The following KCNS3 variants were observed in gnomAD, a reference collection of about 807,000 sequenced individuals.
The protein encoded by KCNS3 is potassium voltage-gated channel modifier subfamily S member 3.
KCNS3 carries 13 observed loss-of-function variants against 31.0 expected under a neutral mutation model. The ratio of observed to expected loss-of-function variants is 0.42; its 90% CI spans 0.27 to 0.67. The LOEUF (loss-of-function observed/expected upper bound fraction) is 0.67, where lower values mean the gene tolerates loss of function less well. Ranked by LOEUF, KCNS3 falls within the 30% of genes least tolerant of loss-of-function variation. The pLI is 0.25. For synonymous variants in KCNS3, 238 were observed against 241.5 expected (o/e 0.99, Z 0.13); for missense variants, 545 against 622.4 (o/e 0.88, Z 1.32).
At chr2:17,914,008 A>T (rs536666131) in intron 1 of KCNS3, among the ~76,000 whole-genome samples, 1 of 152,226 alleles carries the variant, frequency 6.6e-6, no homozygotes, top group South Asian at 2.1e-4. Flanking sequence ...TCTCCAGATA[A>T]GCTAGCTGCT....
intron 1 of KCNS3, among the ~76,000 whole-genome samples, chr2:17,906,458 C>T (rs1027003128): frequency 6.6e-5 from 10 of 152,152 alleles, no homozygotes; most frequent in Admixed American, 3.3e-4. Context: ...GTCTCTATCT[C>T]CTTCAGTTCT....
In KCNS3 at chr2:17,880,174, A is replaced by G. The variant is rs138859246; in HGVS notation, c.-252+1368A>G. Among the ~76,000 whole-genome samples, 702 of 152,328 alleles carry G rather than the reference A, an allele frequency of 4.6e-3. 3 individuals carry two copies. The highest frequency in any genetic ancestry group is 0.014 in the Middle Eastern group (4 of 294). ...ACGCACCTATCTCTTAGCTGAAGGC[A>G]TATGCCCTCGTGCTTTGTCTTCCCT... is the stretch of plus-strand genomic sequence containing the variant. On this transcript the variant is annotated intron_variant, in intron 1 of 2. Transcript: ENST00000304101.
At chr2:17,924,072 A>G (rs1259564672) in intron 2 of KCNS3, among the ~76,000 whole-genome samples, 2 of 151,880 alleles carry the variant, frequency 1.3e-5, no homozygotes, top group African/African-American at 4.8e-5. Flanking sequence ...TTACAGGTTT[A>G]TGCCACTTTT....
At chr2:17,881,305 G>A (rs191144325) in intron 1 of KCNS3, among the ~76,000 whole-genome samples, 1 of 152,340 alleles carries the variant, frequency 6.6e-6, no homozygotes, top group Admixed American at 6.5e-5. Flanking sequence ...TCAGGAAAGT[G>A]CATCTTCCAG....
intron 1 of KCNS3, among the ~76,000 whole-genome samples, chr2:17,893,250 C>T (rs562142600): frequency 1.1e-4 from 17 of 152,238 alleles, no homozygotes; most frequent in African/African-American, 3.1e-4. Flanking sequence ...ACTGAAGGGC[C>T]GGTCCCACTC....
At chr2:17,878,308 G>C (rs1243684254), upstream of KCNS3, among the ~76,000 whole-genome samples, 1 of 152,066 alleles carries the variant, frequency 6.6e-6, no homozygotes, top group East Asian at 1.9e-4. Flanking sequence ...GCAGGGCCAC[G>C]GCGCTTCCGG....
chr2:17,917,495 C>T (rs1323656301), intron 1 of KCNS3, among the ~76,000 whole-genome samples, 185 bp from the exon 2 acceptor site: 1 of 152,122 alleles, frequency 6.6e-6, no homozygotes, highest in African/African-American at 2.4e-5. Flanking sequence ...TTAAACCTAG[C>T]ACATGTCCAA....
intron 1 of KCNS3, among the ~76,000 whole-genome samples, chr2:17,890,919 C>T (rs980221391): frequency 6.6e-6 from 1 of 152,134 alleles, no homozygotes; most frequent in Non-Finnish European, 1.5e-5. Flanking sequence ...ATGAAATGTT[C>T]TGTATATATC....
intron 1 of KCNS3, among the ~76,000 whole-genome samples, chr2:17,891,933 C>T (rs1402144175): frequency 6.6e-6 from 1 of 151,966 alleles, no homozygotes; most frequent in Non-Finnish European, 1.5e-5. Flanking sequence ...ATGAATTTTC[C>T]AGGTGTTCTT....
At chr2:17,893,290 CTG>C (rs1207001538) in intron 1 of KCNS3, among the ~76,000 whole-genome samples, 1 of 152,206 alleles carries the variant, frequency 6.6e-6, no homozygotes, top group Non-Finnish European at 1.5e-5. Context: ...AGCCTGGAGT[CTG>C]TTTCCAGGTG....
chr2:17,906,146 T>C (rs1482567960), intron 1 of KCNS3, among the ~76,000 whole-genome samples: 1 of 152,232 alleles, frequency 6.6e-6, no homozygotes, highest in Non-Finnish European at 1.5e-5. Context: ...GAGCCTGTTA[T>C]TGGTCTATTC....
intron 1 of KCNS3, among the ~76,000 whole-genome samples, chr2:17,905,376 T>A (rs1360936239): frequency 6.6e-6 from 1 of 152,236 alleles, no homozygotes; most frequent in Non-Finnish European, 1.5e-5. Context: ...ATGATGGGGT[T>A]TTCTAAATAT....
At position 17,893,222 on chromosome 2, in the gene KCNS3, C is replaced by T. The variant is rs114366993; in HGVS notation, c.-252+14416C>T. Among the ~76,000 whole-genome samples, 625 of 152,282 alleles carry T rather than the reference C, an allele frequency of 4.1e-3. 6 individuals carry two copies. The highest frequency in any genetic ancestry group is 0.015 in the African/African-American group (612 of 41,560). ...GGGGAAAGCTGGCAGTCACTGGCCT[C>T]ACCCAGTTCCCATGCAAACTGAAGG... On this transcript the variant is annotated intron_variant, in intron 1 of 2. Transcript: ENST00000304101.
At chr2:17,878,587 GGGCCCCGCCCCGTCCCGTCC>G (rs1406173116), upstream of KCNS3, 1 of 148,090 alleles carries the variant, frequency 6.8e-6, no homozygotes, top group South Asian at 2.1e-4. Flanking sequence ...GCCGAGCGGC[GGGCCCCGCCCCGTCCCGTCC>G]GGCCCCGCCC....
At chr2:17,930,099 C>T (rs966343572) in intron 2 of KCNS3, among the ~76,000 whole-genome samples, 2 of 152,098 alleles carry the variant, frequency 1.3e-5, no homozygotes, top group African/African-American at 4.8e-5. Context: ...AAAAACAGGC[C>T]ACGTGCTCAG....
chr2:17,919,648 T>C (rs1564008), intron 2 of KCNS3: 144,999 of 152,356 alleles, frequency 0.95, 69,087 homozygotes, highest in East Asian at 1. Flanking sequence ...ACCCTGCAAA[T>C]TGTATGGACC....
Position 17,931,595 on chromosome 2 carries a change from T to C in KCNS3, c.587T>C (p.Leu196Pro). The change falls in exon 3 of 3, where the codon CTG becomes CCG. Residue 196 changes from leucine to proline, a missense_variant. Leu to Pro is a moderately conservative substitution (Grantham distance 98). Coordinates refer to ENST00000304101, the MANE Select transcript of KCNS3 (RefSeq NM_002252.5). The surrounding 1 kb of genome is among the most constrained non-coding windows in gnomAD (Gnocchi z 5.4). Reference protein sequence around the residue: ...LIAISSLSVVLASIVAMCVHS... With the variant: ...LIAISSLSVVPASIVAMCVHS... ...GCTATCTCCTCCTTGAGCGTGGTGC[T>C]GGCCTCCATCGTGGCCATGTGCGTT... is the stretch of plus-strand genomic sequence containing the variant. 1.2e-6 allele frequency: 2 copies of C among 1,614,198 alleles called. No individual in the cohort carries two copies. Among genetic ancestry groups the C allele is most frequent in the Non-Finnish European group, 1.7e-6 (2 of 1,180,036 alleles).
chr2:17,910,888 A>G (rs1424496386), intron 1 of KCNS3, among the ~76,000 whole-genome samples: 1 of 152,220 alleles, frequency 6.6e-6, no homozygotes, highest in African/African-American at 2.4e-5. Context: ...TAATCTGTAT[A>G]AATAGCTCTA....
chr2:17,901,394 C>T (rs1662169882), intron 1 of KCNS3, among the ~76,000 whole-genome samples: 1 of 152,176 alleles, frequency 6.6e-6, no homozygotes, highest in Non-Finnish European at 1.5e-5. Context: ...TGCTGGCTGG[C>T]TGCCAACAGG....
Sources: allele counts gnomAD v4.1 joint callset (sites outside exome capture counted in the v4.1 genomes callset), GRCh38; gene constraint gnomAD v4.1.1; non-coding constraint Gnocchi (gnomAD v3.1); transcripts MANE v1.5; gene names NCBI Gene and HGNC (gene_info 2026-07-23, HGNC 2026-07-21).